EML4: variants seen among roughly 807,000 people sequenced by gnomAD.
EML4 encodes the protein EMAP like 4.
A neutral mutation model predicts 129.0 loss-of-function variants in EML4; 72 were observed. The ratio of observed to expected loss-of-function variants is 0.56; its 90% CI spans 0.46 to 0.68. EML4 has a LOEUF of 0.68. Ranked by LOEUF, EML4 falls within the 30% of genes least tolerant of loss-of-function variation. The probability of loss-of-function intolerance (pLI) is 0.00; values close to 1 mark genes in which losing one functional copy is unlikely to be tolerated. For synonymous variants in EML4, 532 were observed against 405.0 expected (o/e 1.31, Z -3.77); for missense variants, 1,363 against 1,190.6 (o/e 1.14, Z -2.13).
intron 1 of EML4, among the ~76,000 whole-genome samples, chr2:42,226,210 T>C (rs1044945931): frequency 6.6e-6 from 1 of 152,120 alleles, no homozygotes; most frequent in African/African-American, 2.4e-5. Context: ...ACTTAAATTC[T>C]GAGATAAAAA....
At chr2:42,294,130 ACT>A (rs1226025590) in intron 11 of EML4, among the ~76,000 whole-genome samples, 3 of 152,212 alleles carry the variant, frequency 2.0e-5, no homozygotes, top group Non-Finnish European at 4.4e-5. Flanking sequence ...ATAGAAATAC[ACT>A]GTTTTAGAAT....
chr2:42,307,870 G>A (rs1001125838), intron 17 of EML4, among the ~76,000 whole-genome samples: 4 of 152,184 alleles, frequency 2.6e-5, no homozygotes, highest in African/African-American at 9.7e-5. Context: ...GGCCAGGCTG[G>A]TCTGGAACCC....
chr2:42,216,747 C>G (rs977086203), intron 1 of EML4, among the ~76,000 whole-genome samples: 1 of 152,172 alleles, frequency 6.6e-6, no homozygotes, highest in African/African-American at 2.4e-5. Context: ...AATGGCTGGA[C>G]TGCTATTTTT....
intron 1 of EML4, among the ~76,000 whole-genome samples, chr2:42,191,219 A>G (rs919332787): frequency 1.3e-5 from 2 of 152,270 alleles, no homozygotes; most frequent in Admixed American, 1.3e-4. Context: ...CATGCTTAAT[A>G]TAAAGTAAAA....
chr2:42,206,908 T>G (rs951582239), intron 1 of EML4, among the ~76,000 whole-genome samples: 3 of 152,216 alleles, frequency 2.0e-5, no homozygotes, highest in Admixed American at 6.5e-5. Context: ...TTACCTCTCT[T>G]TAGCTAATTT....
At chr2:42,173,615 G>C (rs1670404520) in intron 1 of EML4, among the ~76,000 whole-genome samples, 1 of 152,174 alleles carries the variant, frequency 6.6e-6, no homozygotes, top group South Asian at 2.1e-4. Context: ...TTGGGAGGCT[G>C]AGGTGGAAGG....
chr2:42,210,565 G>T (rs369806141), intron 1 of EML4, among the ~76,000 whole-genome samples: 1 of 152,154 alleles, frequency 6.6e-6, no homozygotes, highest in Non-Finnish European at 1.5e-5. Flanking sequence ...TAAGAAGTGG[G>T]TGTGGAGTTA....
chr2:42,254,081 C>A (rs1675966468), intron 2 of EML4, among the ~76,000 whole-genome samples: 1 of 152,116 alleles, frequency 6.6e-6, no homozygotes, highest in African/African-American at 2.4e-5. Flanking sequence ...GAAGGAAGCC[C>A]ATTCTTAAAG....
chr2:42,257,871 A>G (rs569435307), intron 3 of EML4, among the ~76,000 whole-genome samples: 44 of 152,090 alleles, frequency 2.9e-4, no homozygotes, highest in African/African-American at 9.4e-4. Context: ...CTGGAACTCA[A>G]TCTTTGTCGT....
chr2:42,317,672 G>A (rs971830525), intron 19 of EML4, 148 bp downstream of exon 19: 2 of 590,346 alleles, frequency 3.4e-6, no homozygotes, highest in Non-Finnish European at 5.9e-6. Flanking sequence ...ATACATGATA[G>A]CAGAACATCA....
chr2:42,302,076 A>T (rs1668315170), intron 14 of EML4, among the ~76,000 whole-genome samples: 1 of 152,122 alleles, frequency 6.6e-6, no homozygotes, highest in Non-Finnish European at 1.5e-5. Context: ...TTATTATTAA[A>T]TGTATTAACA....
intron 13 of EML4, among the ~76,000 whole-genome samples, chr2:42,297,573 T>A (rs1668029404): frequency 6.6e-6 from 1 of 152,208 alleles, no homozygotes; most frequent in African/African-American, 2.4e-5. Context: ...TTGCTAAGAA[T>A]TTGAGGTTTT....
chr2:42,182,406 C>G (rs1671002091), intron 1 of EML4, among the ~76,000 whole-genome samples: 1 of 151,352 alleles, frequency 6.6e-6, no homozygotes, highest in Non-Finnish European at 1.5e-5. Flanking sequence ...CTCATCCCAC[C>G]AGGGCTCCAG....
At chr2:42,281,585 G>A (rs938890043) in intron 7 of EML4, among the ~76,000 whole-genome samples, 7 of 152,140 alleles carry the variant, frequency 4.6e-5, no homozygotes, top group Admixed American at 1.3e-4. Flanking sequence ...CTTACTCTCC[G>A]TGAACCTTAA....
intron 7 of EML4, among the ~76,000 whole-genome samples, chr2:42,281,560 G>A (rs1572682830): frequency 6.6e-6 from 1 of 152,286 alleles, no homozygotes; most frequent in African/African-American, 2.4e-5. Context: ...TAGTGTTTGA[G>A]TTTTGGCCCT....
At chr2:42,262,503 A>G (rs1665796038) in intron 4 of EML4, among the ~76,000 whole-genome samples, 1 of 152,162 alleles carries the variant, frequency 6.6e-6, no homozygotes. Context: ...GTCTCCTGGA[A>G]ATGTGCTTGC....
chr2:42,233,284 ATTGT>A (rs992628185), intron 1 of EML4, among the ~76,000 whole-genome samples: 21 of 151,506 alleles, frequency 1.4e-4, no homozygotes, highest in African/African-American at 4.8e-4. Context: ...AAAGAGATAA[ATTGT>A]TTGTTATTAC....
At chr2:42,188,511 C>G (rs141194383) in intron 1 of EML4, among the ~76,000 whole-genome samples, 139 of 152,158 alleles carry the variant, frequency 9.1e-4, no homozygotes, top group African/African-American at 3.3e-3. Flanking sequence ...CCGTGAACCA[C>G]TGCTCCTGGG....
At position 42,331,843 on chromosome 2, in the gene EML4, T is replaced by C. The variant is rs1414178552; in HGVS notation, c.*1636T>C. The C allele has an allele frequency of 4.5e-6, 1 of 219,988 alleles. No individual in the cohort carries two copies. The highest frequency in any genetic ancestry group is 9.1e-6 in the Non-Finnish European group (1 of 109,462). 13.6% of individuals were successfully genotyped at this position (219,988 alleles called of 1,614,324 possible). Reference sequence around the variant, plus strand: ...CGAGTGGAGACACTGTGTGTATCTCTAGATAAGAAGATATGCACCACGTTG... The same window carrying C: ...CGAGTGGAGACACTGTGTGTATCTCCAGATAAGAAGATATGCACCACGTTG... On this transcript the variant is annotated 3_prime_UTR_variant, in exon 23 of 23. Transcript: ENST00000318522.
Sources: gnomAD v4.1 joint callset for allele counts (sites outside exome capture counted in the v4.1 genomes callset) on GRCh38, gnomAD v4.1.1 for gene constraint, MANE v1.5 for transcripts, NCBI Gene and HGNC (gene_info 2026-07-23, HGNC 2026-07-21) for gene names.